Variants in HEATR5B observed in about 807,000 individuals in gnomAD.
HEATR5B encodes HEAT repeat containing 5B, also known as HEAT repeat-containing protein 5B.
In HEATR5B, 156 loss-of-function variants were observed where a neutral mutation model predicts 224.1. The ratio of observed to expected loss-of-function variants is 0.70; its 90% CI spans 0.61 to 0.80. The LOEUF is 0.80. Ranked by LOEUF, HEATR5B falls within the 30% of genes least tolerant of loss-of-function variation. The pLI is 0.00. For synonymous variants in HEATR5B, 1,027 were observed against 893.0 expected (o/e 1.15, Z -2.68); for missense variants, 2,323 against 2,535.5 (o/e 0.92, Z 1.80).
At chr2:37,060,558 A>C (rs199892855) in intron 12 of HEATR5B, 23 bp downstream of exon 12, 1 of 1,576,302 alleles carries the variant, frequency 6.3e-7, no homozygotes, top group Non-Finnish European at 8.6e-7. Context: ...AATATTGTGA[A>C]GCACAATCCT....
intron 26 of HEATR5B, among the ~76,000 whole-genome samples, chr2:37,019,526 G>A (rs1572820018): frequency 6.7e-6 from 1 of 149,394 alleles, no homozygotes; most frequent in Admixed American, 6.7e-5. Flanking sequence ...GCGAAATCTT[G>A]GGTCATTGTA....
In HEATR5B at chr2:37,079,169, C is replaced by G; in HGVS notation, c.289G>C (p.Asp97His). 1.2e-6 allele frequency: 2 copies of G among 1,610,676 alleles called. No individual in the cohort carries two copies. Among genetic ancestry groups the G allele is most frequent in the South Asian group, 1.1e-5 (1 of 90,808 alleles). ...GTGTCATCTTTATTTCTGATAATGT[C>G]ATTGCATTTATCAAGTGTCTGAAAA... ...TVFQTLDKCN[D>H]IIRNKDDTAA... Residue 97 changes from aspartate to histidine, a missense_variant, in exon 3 of 36, where the codon GAC becomes CAC. By Grantham distance (81) the Asp-to-His change is moderately conservative. This residue lies in a region of HEATR5B where 292 missense variants were observed against 332.6 expected (regional missense o/e 0.88). Transcript: ENST00000233099.
intron 33 of HEATR5B, among the ~76,000 whole-genome samples, chr2:36,999,454 G>A (rs1352144405): frequency 6.6e-6 from 1 of 151,794 alleles, no homozygotes; most frequent in Non-Finnish European, 1.5e-5. Context: ...GAGGCAGGCA[G>A]ATCACTTGAG....
intron 7 of HEATR5B, 35 bp downstream of exon 7, chr2:37,070,195 T>C (rs766043750): frequency 1.9e-6 from 3 of 1,610,264 alleles, no homozygotes; most frequent in Non-Finnish European, 2.5e-6. Context: ...CCACCGTGCC[T>C]GGCCAAAATT....
At chr2:37,039,012 G>A (rs116043146) in intron 20 of HEATR5B, among the ~76,000 whole-genome samples, 3,439 of 151,644 alleles carry the variant, frequency 0.023, 120 homozygotes, top group African/African-American at 0.079. Flanking sequence ...AGGAAACATA[G>A]CATAGAGATT....
intron 35 of HEATR5B, among the ~76,000 whole-genome samples, chr2:36,984,225 T>TATA (rs1553411522): frequency 1.3e-4 from 10 of 75,322 alleles, no homozygotes; most frequent in African/African-American, 6.0e-4. Flanking sequence ...AATATATATA[T>TATA]ATATATATAT....
intron 24 of HEATR5B, 84 bp downstream of exon 24, chr2:37,027,839 C>T: frequency 7.4e-7 from 1 of 1,357,798 alleles, no homozygotes; most frequent in Non-Finnish European, 1.0e-6. Flanking sequence ...CACGCTATAT[C>T]TGTCGCAGTA....
chr2:37,039,155 C>T (rs1216855496), intron 20 of HEATR5B, among the ~76,000 whole-genome samples: 1 of 149,570 alleles, frequency 6.7e-6, no homozygotes. Flanking sequence ...AGTGAGACCC[C>T]CATCTCTTAA....
At chr2:37,049,083 T>C (rs1464905526) in intron 18 of HEATR5B, among the ~76,000 whole-genome samples, 1 of 152,220 alleles carries the variant, frequency 6.6e-6, no homozygotes, top group African/African-American at 2.4e-5. Flanking sequence ...CACTAATAAC[T>C]GCAACTCATC....
intron 21 of HEATR5B, among the ~76,000 whole-genome samples, chr2:37,037,093 G>GT (rs1326633710): frequency 7.1e-6 from 1 of 140,216 alleles, no homozygotes; most frequent in Non-Finnish European, 1.5e-5. Context: ...ATACTCAGAA[G>GT]TATCAATCAA....
chr2:37,055,424 C>G (rs1398963660), intron 16 of HEATR5B, among the ~76,000 whole-genome samples: 1 of 152,124 alleles, frequency 6.6e-6, no homozygotes, highest in East Asian at 1.9e-4. Flanking sequence ...GTAAACCAAA[C>G]TCTTAGATAT....
chr2:37,072,885 G>A (rs547780332), intron 5 of HEATR5B, among the ~76,000 whole-genome samples: 2 of 152,288 alleles, frequency 1.3e-5, no homozygotes, highest in Admixed American at 1.3e-4. Context: ...TGACAACTTA[G>A]AGGAAATAGA....
intron 27 of HEATR5B, among the ~76,000 whole-genome samples, chr2:37,011,436 T>C (rs1667780157): frequency 6.6e-6 from 1 of 152,246 alleles, no homozygotes; most frequent in African/African-American, 2.4e-5. Context: ...TTACGGTCTA[T>C]GTATGCATTT....
At chr2:37,048,745 T>C (rs180904385) in intron 18 of HEATR5B, among the ~76,000 whole-genome samples, 86 of 152,378 alleles carry the variant, frequency 5.6e-4, no homozygotes, top group Admixed American at 5.6e-3. Flanking sequence ...TGTCTGGTTA[T>C]ATTTTAACTG....
chr2:37,060,236 T>G (rs1424052952), intron 12 of HEATR5B, among the ~76,000 whole-genome samples: 3 of 152,234 alleles, frequency 2.0e-5, no homozygotes, highest in African/African-American at 7.2e-5. Context: ...ATCCTGAGTT[T>G]CTTTTTCTTT....
chr2:37,000,126 G>T (rs2148367984), intron 33 of HEATR5B, among the ~76,000 whole-genome samples: 1 of 152,018 alleles, frequency 6.6e-6, no homozygotes, highest in South Asian at 2.1e-4. Flanking sequence ...TGCCGAGCCT[G>T]GAGTGCAGTG....
At chr2:37,004,487 T>C (rs1372433447) in intron 30 of HEATR5B, among the ~76,000 whole-genome samples, 2 of 151,814 alleles carry the variant, frequency 1.3e-5, no homozygotes, top group African/African-American at 2.4e-5. Flanking sequence ...ATCTACCCTA[T>C]GTCCTCCTCT....
chr2:37,034,607 T>C (rs1669359824), intron 21 of HEATR5B, among the ~76,000 whole-genome samples: 2 of 98,652 alleles, frequency 2.0e-5, no homozygotes, highest in Non-Finnish European at 1.9e-5. Context: ...AGCGAGACTC[T>C]GTCTCAAAAA....
At position 37,019,846 on chromosome 2, in the gene HEATR5B, T is replaced by C. The variant is rs1234187030; in HGVS notation, c.4067A>G (p.Gln1356Arg). The C allele has an allele frequency of 6.2e-7, 1 of 1,610,828 alleles. No homozygotes were observed. The highest frequency in any genetic ancestry group is 8.5e-7 in the Non-Finnish European group (1 of 1,178,534). ...CGCTATTATATCTGATGGTGTATCTTGTGAAAAGGCTGGTCTTAGAGCAGC... is the reference window on the plus strand; with the variant it reads ...CGCTATTATATCTGATGGTGTATCTCGTGAAAAGGCTGGTCTTAGAGCAGC... ...VGAALRPAFS[Q>R]DTPSDIIAKA... Residue 1356 changes from glutamine to arginine, a missense_variant, in exon 26 of 36, where the codon CAA (glutamine) becomes CGA (arginine). Physicochemically the swap from Gln to Arg is conservative, Grantham distance 43. Transcript: ENST00000233099.
Sources: allele counts gnomAD v4.1 joint callset (sites outside exome capture counted in the v4.1 genomes callset), GRCh38; gene constraint gnomAD v4.1.1; regional missense constraint gnomAD v4.1.1; transcripts MANE v1.5; gene names NCBI Gene and HGNC (gene_info 2026-07-23, HGNC 2026-07-21).